The following KANK1 variants were observed in gnomAD, a reference collection of about 807,000 sequenced individuals.
KANK1 encodes the protein KN motif and ankyrin repeat domains 1, also known as KN motif and ankyrin repeat domain-containing protein 1.
A neutral mutation model predicts 106.2 loss-of-function variants in KANK1; 109 were observed. The observed-to-expected ratio is 1.03, with a 90% confidence interval of 0.88 to 1.20. The LOEUF (loss-of-function observed/expected upper bound fraction) is 1.20. Among genes scored for constraint, KANK1 ranks in the 50% most tolerant of loss-of-function variants. The pLI, the probability that KANK1 is intolerant of heterozygous loss-of-function variation, is 0.00. For missense variants in KANK1, 2,399 were observed against 1,710.7 expected (o/e 1.40, Z -7.10); for synonymous variants, 873 against 652.2 (o/e 1.34, Z -5.16).
chr9:730,748 A>T (rs1832012140), intron 4 of KANK1: 1 of 182,066 alleles, frequency 5.5e-6, no homozygotes, highest in Admixed American at 5.6e-5. Flanking sequence ...AAATTATGAA[A>T]TATTTTAAAT....
intron 1 of KANK1, among the ~76,000 whole-genome samples, chr9:608,139 G>A (rs12237210): frequency 0.26 from 37,543 of 146,216 alleles, 5,138 homozygotes; most frequent in Admixed American, 0.34. Flanking sequence ...CCGGGTTCAC[G>A]CCATTCTCCT....
intron 1 of KANK1, among the ~76,000 whole-genome samples, chr9:562,046 T>TTC (rs900074606): frequency 2.2e-5 from 3 of 137,258 alleles, no homozygotes; most frequent in African/African-American, 5.3e-5. Context: ...CATTTTCTTT[T>TTC]TTTTTTTTTT....
chr9:507,046 C>T (rs1453146226), intron 1 of KANK1, among the ~76,000 whole-genome samples: 2 of 151,942 alleles, frequency 1.3e-5, no homozygotes, highest in African/African-American at 4.8e-5. Context: ...CTACACTTCT[C>T]ACTCACCCTT....
chr9:569,461 A>G (rs2134746784), intron 1 of KANK1, among the ~76,000 whole-genome samples: 1 of 152,188 alleles, frequency 6.6e-6, no homozygotes, highest in East Asian at 1.9e-4. Context: ...CTGAGCTAGC[A>G]CACTCGGCCG....
rs1397634126 is a variant in KANK1, at chr9:540,199, G to C, written c.-84+35445G>C. Among the ~76,000 whole-genome samples the C allele has an allele frequency of 2.6e-5, 4 of 152,258 alleles. No homozygotes were observed. The East Asian group carries it at 7.7e-4, about 29-fold the overall frequency. The stretch of plus-strand genomic sequence containing the variant: ...CGTATGTGGCCTTTATTATGTCGAG[G>C]TCCATTCTTTATACCTAATCTGTTG... On this transcript the variant is annotated intron_variant, in intron 1 of 11. Transcript: ENST00000382297.
In KANK1 at chr9:656,725, C is replaced by G. The variant is rs1563936103; in HGVS notation, c.-83-20165C>G. Reference sequence around the variant, plus strand: ...GGATGTGCTTGTCCTAGCAGGAGAGCCTGTGACAATAAAAAAGCAGAGAAT... The same window carrying G: ...GGATGTGCTTGTCCTAGCAGGAGAGGCTGTGACAATAAAAAAGCAGAGAAT... On this transcript the variant is annotated intron_variant, in intron 1 of 11. Transcript: ENST00000382297. Among the ~76,000 whole-genome samples, 4 of 152,142 alleles carry G rather than the reference C, an allele frequency of 2.6e-5. No individual in the cohort carries two copies. The South Asian group carries it at 8.3e-4, about 32-fold the overall frequency.
intron 1 of KANK1, among the ~76,000 whole-genome samples, chr9:533,733 A>G (rs887023223): frequency 1.3e-5 from 2 of 152,230 alleles, no homozygotes; most frequent in Admixed American, 6.5e-5. Flanking sequence ...TGATAGAGTG[A>G]GACAGATGCA....
intron 1 of KANK1, among the ~76,000 whole-genome samples, chr9:566,220 G>C (rs1817772538): frequency 6.6e-6 from 1 of 152,162 alleles, no homozygotes; most frequent in South Asian, 2.1e-4. Context: ...AGTATTTCAT[G>C]GTGTATATGT....
At position 609,858 on chromosome 9, in the gene KANK1, A is replaced by C. The variant is rs192851266; in HGVS notation, c.-83-67032A>C. 1.5e-3 allele frequency among the ~76,000 whole-genome samples: 222 copies of C among 152,190 alleles called. 3 individuals carry two copies. The highest frequency in any genetic ancestry group is 5.1e-3 in the African/African-American group (211 of 41,500). On this transcript the variant is annotated intron_variant, in intron 1 of 11. Transcript: ENST00000382297. ...TATTTTATATTTATTCACTAAAGAA[A>C]ATTTTTAAAATTTCAAATTACGTAG...
chr9:546,397 T>G lies in KANK1; in HGVS notation c.-84+41643T>G, dbSNP rs867405679. Among the ~76,000 whole-genome samples, 3 of 152,056 alleles carry G rather than the reference T, an allele frequency of 2.0e-5. No homozygotes were observed. The Middle Eastern group carries it at 0.01, about 517-fold the overall frequency. On this transcript the variant is annotated intron_variant, in intron 1 of 11. Coordinates refer to ENST00000382297, the MANE Select transcript of KANK1 (RefSeq NM_015158.5). Reference sequence around the variant, plus strand: ...CAGGACAACCCCTGACAACAAAGAATTATCCAGCCCCAAACACCAGTTGTG... The same window carrying G: ...CAGGACAACCCCTGACAACAAAGAAGTATCCAGCCCCAAACACCAGTTGTG...
intron 1 of KANK1, among the ~76,000 whole-genome samples, chr9:644,858 C>T (rs202020620): frequency 2.0e-5 from 3 of 151,168 alleles, no homozygotes; most frequent in South Asian, 2.1e-4. Flanking sequence ...TGGTGGCTCA[C>T]GCCTGTAATC....
intron 1 of KANK1, among the ~76,000 whole-genome samples, chr9:648,157 C>T (rs1192236880): frequency 6.7e-6 from 1 of 150,144 alleles, no homozygotes; most frequent in African/African-American, 2.5e-5. Context: ...GCACACACCA[C>T]CACGCCTGGG....
At chr9:503,157 G>C (rs2058596855), upstream of KANK1, among the ~76,000 whole-genome samples, 1 of 152,038 alleles carries the variant, frequency 6.6e-6, no homozygotes, top group African/African-American at 2.4e-5. Context: ...CTTTTAAAAT[G>C]CAGGAGTCTT....
intron 1 of KANK1, among the ~76,000 whole-genome samples, chr9:506,972 G>A (rs1205405079): frequency 2.6e-5 from 4 of 152,148 alleles, no homozygotes; most frequent in African/African-American, 9.7e-5. Context: ...TGGATAATGT[G>A]TGCATGTTTT....
rs376441776 is a variant in KANK1 at position 711,332 on chromosome 9, G to A, written c.566G>A (p.Gly189Asp). 1.3e-5 allele frequency: 21 copies of A among 1,614,020 alleles called. No homozygotes were observed. The African/African-American group carries it at 2.5e-4, about 19-fold the overall frequency. ...AGGCCCAGGCTGGCCAGTTTTGGAG[G>A]CATGGGCACCACAAGCTCCCTCCCT... The part of the protein sequence containing the change: ...FRRPRLASFG[G>D]MGTTSSLPSF... The change falls in exon 3 of 12, where the codon GGC becomes GAC. Residue 189 changes from glycine (G) to aspartate (D), a missense_variant. By Grantham distance (94) the Gly-to-Asp change is moderately conservative. Transcript: ENST00000382297.
chr9:633,315 G>A (rs78869261), intron 1 of KANK1, among the ~76,000 whole-genome samples: 22,573 of 151,778 alleles, frequency 0.15, 1,834 homozygotes, highest in Admixed American at 0.17. Flanking sequence ...AAAATTAGCC[G>A]GGCGTGGTGG....
At chr9:709,920 G>A (rs1323301474) in intron 2 of KANK1, among the ~76,000 whole-genome samples, 3 of 151,998 alleles carry the variant, frequency 2.0e-5, no homozygotes, top group Non-Finnish European at 4.4e-5. Context: ...CCAGCCTTTC[G>A]TGTCTTTTAT....
chr9:659,737 C>A, intron 1 of KANK1, among the ~76,000 whole-genome samples: 1 of 151,814 alleles, frequency 6.6e-6, no homozygotes, highest in East Asian at 1.9e-4. Flanking sequence ...TTTCAAACAA[C>A]CAGTTCTCGG....
At chr9:571,858 T>A (rs1286403717) in intron 1 of KANK1, among the ~76,000 whole-genome samples, 1 of 152,156 alleles carries the variant, frequency 6.6e-6, no homozygotes, top group Non-Finnish European at 1.5e-5. Context: ...ATAGGAAAAT[T>A]CTTATGTATT....
Sources: gnomAD v4.1 joint callset for allele counts (sites outside exome capture counted in the v4.1 genomes callset) on GRCh38, gnomAD v4.1.1 for gene constraint, MANE v1.5 for transcripts, NCBI Gene and HGNC (gene_info 2026-07-23, HGNC 2026-07-21) for gene names.